The following DORIP1 variants were observed in gnomAD, a reference collection of about 807,000 sequenced individuals.
DORIP1 encodes dopamine receptor-interacting protein 1.
chr14:44,900,554 A>C, the DORIP1 span: 1 of 1,609,296 alleles, frequency 6.2e-7, no homozygotes, highest in Non-Finnish European at 8.5e-7. Flanking sequence ...GCTGGCCGCA[A>C]AGCAGTATCC....
chr14:44,900,445 C>T, the DORIP1 span: 1 of 1,521,476 alleles, frequency 6.6e-7, no homozygotes, highest in Non-Finnish European at 8.8e-7. Flanking sequence ...GATGAAGACA[C>T]TGTTTGAAGA....
the DORIP1 span, chr14:44,900,923 G>A: frequency 2.1e-5 from 34 of 1,604,698 alleles, no homozygotes; most frequent in South Asian, 6.7e-5. Flanking sequence ...TGCCCAACTC[G>A]AGTGCAGGAG....
chr14:44,900,956 T>C, the DORIP1 span: 1 of 1,564,046 alleles, frequency 6.4e-7, no homozygotes. Context: ...ACAATTAATA[T>C]AAAGTAAGTT....
At chr14:44,898,287 G>A in the DORIP1 span, among the ~76,000 whole-genome samples, 3 of 151,736 alleles carry the variant, frequency 2.0e-5, no homozygotes, top group East Asian at 5.8e-4. Context: ...GATGAAACTA[G>A]TATCCTCTAG....
chr14:44,905,439 ACATTGGATG>A, the DORIP1 span: 17 of 1,575,260 alleles, frequency 1.1e-5, no homozygotes, highest in Middle Eastern at 1.7e-4. Flanking sequence ...AGATTGGTGG[ACATTGGATG>A]CACTATGATG....
At chr14:44,904,423 C>G in the DORIP1 span, 1 of 1,610,114 alleles carries the variant, frequency 6.2e-7, no homozygotes. Flanking sequence ...ATTTTCCCAA[C>G]GAATTTTCTG....
At chr14:44,900,375 A>G in the DORIP1 span, 22 of 1,330,596 alleles carry the variant, frequency 1.7e-5, no homozygotes, top group East Asian at 5.1e-4. Flanking sequence ...TAAACATATT[A>G]TGCATTTAAT....
chr14:44,904,693 T>TA, the DORIP1 span: 1 of 752,546 alleles, frequency 1.3e-6, no homozygotes, highest in Non-Finnish European at 2.0e-6. Flanking sequence ...GAGAGTCAGT[T>TA]ACTAGCAGTG....
the DORIP1 span, chr14:44,904,438 G>C: frequency 6.2e-7 from 1 of 1,611,018 alleles, no homozygotes; most frequent in Admixed American, 1.7e-5. Flanking sequence ...TTTCTGCCAT[G>C]GGGCACCCCC....
chr14:44,898,322 G>GT, the DORIP1 span, among the ~76,000 whole-genome samples: 1 of 151,674 alleles, frequency 6.6e-6, no homozygotes, highest in African/African-American at 2.4e-5. Context: ...CCCTCCTCCC[G>GT]TTTTTTCCAG....
At chr14:44,897,462 A>T in the DORIP1 span, 1 of 212,464 alleles carries the variant, frequency 4.7e-6, no homozygotes, top group Non-Finnish European at 9.2e-6. Context: ...CGGTACTCAT[A>T]GATGAGGCAG....
the DORIP1 span, chr14:44,905,702 T>C: frequency 2.1e-6 from 1 of 469,320 alleles, no homozygotes; most frequent in Non-Finnish European, 3.6e-6. Context: ...GGTAAATGTT[T>C]TATATAGAGG....
At chr14:44,904,443 A>C in the DORIP1 span, 2 of 1,611,496 alleles carry the variant, frequency 1.2e-6, no homozygotes, top group East Asian at 2.2e-5. Flanking sequence ...GCCATGGGGC[A>C]CCCCCTTTTG....
the DORIP1 span, chr14:44,903,887 T>C: frequency 9.1e-6 from 9 of 983,790 alleles, no homozygotes; most frequent in Non-Finnish European, 1.1e-5. Context: ...ATAATGTTTG[T>C]TAACCAGAAT....
At chr14:44,903,025 A>C in the DORIP1 span, among the ~76,000 whole-genome samples, 1 of 152,212 alleles carries the variant, frequency 6.6e-6, no homozygotes, top group African/African-American at 2.4e-5. Flanking sequence ...TGAAAATTTC[A>C]TAATTAGTGT....
the DORIP1 span, among the ~76,000 whole-genome samples, chr14:44,897,989 C>G: frequency 6.6e-6 from 1 of 152,164 alleles, no homozygotes; most frequent in Non-Finnish European, 1.5e-5. Flanking sequence ...GGGGTCCTCA[C>G]GGCTAGCTTG....
chr14:44,904,881 G>A, the DORIP1 span: 5 of 184,874 alleles, frequency 2.7e-5, no homozygotes, highest in Non-Finnish European at 5.6e-5. Flanking sequence ...GATTTAATAA[G>A]CACATACTAA....
At chr14:44,903,175 C>A in the DORIP1 span, 2 of 1,433,410 alleles carry the variant, frequency 1.4e-6, no homozygotes, top group Non-Finnish European at 2.0e-6. Flanking sequence ...AATGTTGAAG[C>A]AGTTCTTACA....
At chr14:44,904,842 T>G in the DORIP1 span, 2 of 214,656 alleles carry the variant, frequency 9.3e-6, no homozygotes, top group Non-Finnish European at 1.8e-5. Context: ...ACACAGATGA[T>G]GGTATCAACC....
Sources: gnomAD v4.1 joint callset for allele counts (sites outside exome capture counted in the v4.1 genomes callset) on GRCh38, gnomAD v4.1.1 for gene constraint, MANE v1.5 for transcripts, NCBI Gene and HGNC (gene_info 2026-07-23, HGNC 2026-07-21) for gene names.